IGF1R: variants seen among roughly 807,000 people sequenced by gnomAD.
The protein encoded by IGF1R is insulin-like growth factor 1 receptor.
In IGF1R, 44 loss-of-function variants were observed where a neutral mutation model predicts 144.6. The observed-to-expected ratio is 0.30, with a 90% CI of 0.24 to 0.39. The LOEUF (loss-of-function observed/expected upper bound fraction) is 0.39. Among genes scored for constraint, IGF1R ranks in the 10% least tolerant of loss-of-function variants. The pLI is 1.00. For missense variants in IGF1R, 1,355 were observed against 1,833.7 expected (o/e 0.74, Z 4.77); for synonymous variants, 795 against 722.8 (o/e 1.10, Z -1.60).
intron 2 of IGF1R, among the ~76,000 whole-genome samples, chr15:98,775,241 A>G (rs1218985469): frequency 1.3e-5 from 2 of 152,056 alleles, no homozygotes; most frequent in Non-Finnish European, 2.9e-5. Flanking sequence ...CCACCTCCAC[A>G]TGGAAGGTGC....
intron 1 of IGF1R, among the ~76,000 whole-genome samples, chr15:98,677,030 G>T (rs532464152): frequency 6.6e-6 from 1 of 152,160 alleles, no homozygotes; most frequent in South Asian, 2.1e-4. Flanking sequence ...TCAGCTCCTA[G>T]GCTCAAGTAA....
intron 2 of IGF1R, among the ~76,000 whole-genome samples, chr15:98,785,808 G>T (rs2055978975): frequency 6.6e-6 from 1 of 152,060 alleles, no homozygotes; most frequent in South Asian, 2.1e-4. Flanking sequence ...GAGGCAGGAG[G>T]GTCTGACCAT....
In IGF1R at chr15:98,683,514, C is replaced by T. The variant is rs374238831; in HGVS notation, c.95-24048C>T. Among the ~76,000 whole-genome samples, 13 of 152,246 alleles carry T rather than the reference C, an allele frequency of 8.5e-5. No homozygotes were observed. In the East Asian group the frequency reaches 9.7e-4, roughly 11 times the overall value. ...AGTTGTGTTACAACTTGTTTACAGC[C>T]GTTGGTTTTTAAGGGATGAGGTAAT... is the stretch of plus-strand genomic sequence containing the variant. On this transcript the variant is annotated intron_variant, in intron 1 of 20. Transcript: ENST00000650285.
intron 2 of IGF1R, among the ~76,000 whole-genome samples, chr15:98,777,784 C>T (rs779889558): frequency 1.5e-4 from 23 of 152,178 alleles, no homozygotes; most frequent in Non-Finnish European, 2.8e-4. Flanking sequence ...CACTCACTTG[C>T]CTGGTCATGC....
chr15:98,881,748 C>T (rs1450600134), intron 2 of IGF1R, among the ~76,000 whole-genome samples: 1 of 152,170 alleles, frequency 6.6e-6, no homozygotes, highest in Non-Finnish European at 1.5e-5. Context: ...AGTGTAACAG[C>T]TGTGTGCTCT....
intron 2 of IGF1R, among the ~76,000 whole-genome samples, chr15:98,837,460 T>C (rs1596345730): frequency 1.3e-5 from 2 of 152,234 alleles, no homozygotes; most frequent in Admixed American, 1.3e-4. Flanking sequence ...AGGTTGGTCT[T>C]GATCTCCTGA....
chr15:98,922,184 C>A lies in IGF1R; in HGVS notation c.2238C>A (p.Ala746=), dbSNP rs2015517453. The A allele has an allele frequency of 6.2e-7, 1 of 1,614,136 alleles. No individual in the cohort carries two copies. The highest frequency in any genetic ancestry group is 1.3e-5 in the African/African-American group (1 of 75,008). The change falls in exon 11 of 21, where the codon GCC becomes GCA. Residue 746 remains alanine (A), a synonymous_variant. Transcript: ENST00000650285. Reference sequence around the variant, plus strand: ...AGCGGAGAGATGTCATGCAAGTGGCCAACACCACCATGTCCAGCCGAAGCA... The same window carrying A: ...AGCGGAGAGATGTCATGCAAGTGGCAAACACCACCATGTCCAGCCGAAGCA... The part of the protein sequence containing the change: ...ERKRRDVMQV[A]NTTMSSRSRN...
At chr15:98,913,385 G>A in intron 8 of IGF1R, 103 bp downstream of exon 8, 2 of 899,244 alleles carry the variant, frequency 2.2e-6, no homozygotes, top group Non-Finnish European at 3.8e-6. Flanking sequence ...AGCTATGCCT[G>A]TTGTCTTTCT....
chr15:98,719,372 C>A (rs1188064957), intron 2 of IGF1R, among the ~76,000 whole-genome samples: 6 of 152,152 alleles, frequency 3.9e-5, no homozygotes, highest in Non-Finnish European at 8.8e-5. Context: ...TCTTTTGTGA[C>A]CAGTAGTCCT....
chr15:98,805,191 G>T (rs1405369039), intron 2 of IGF1R, among the ~76,000 whole-genome samples: 1 of 152,160 alleles, frequency 6.6e-6, no homozygotes, highest in Non-Finnish European at 1.5e-5. Context: ...TTATATACAT[G>T]CAGGTGCGAT....
chr15:98,873,718 C>G (rs2012905817), intron 2 of IGF1R: 1 of 152,192 alleles, frequency 6.6e-6, no homozygotes, highest in Non-Finnish European at 1.5e-5. Context: ...AAGAGAGTTG[C>G]AATATGCAAT....
chr15:98,956,004 C>A (rs2016965969), intron 20 of IGF1R, among the ~76,000 whole-genome samples: 2 of 152,234 alleles, frequency 1.3e-5, no homozygotes, highest in African/African-American at 4.8e-5. Flanking sequence ...GCGGTCACTC[C>A]TCAGAACTAT....
At chr15:98,829,382 C>T (rs559422741) in intron 2 of IGF1R, among the ~76,000 whole-genome samples, 221 of 139,994 alleles carry the variant, frequency 1.6e-3, no homozygotes, top group Non-Finnish European at 2.6e-3. Flanking sequence ...AAAAAAAAAA[C>T]TTGAGGTTTG....
intron 18 of IGF1R, among the ~76,000 whole-genome samples, chr15:98,940,993 C>G (rs1567212926): frequency 6.6e-6 from 1 of 152,244 alleles, no homozygotes; most frequent in Non-Finnish European, 1.5e-5. Flanking sequence ...TTGGTGCACC[C>G]AGCTCATTTC....
At chr15:98,689,538 ATT>A (rs35624715) in intron 1 of IGF1R, among the ~76,000 whole-genome samples, 1 of 150,098 alleles carries the variant, frequency 6.7e-6, no homozygotes, top group African/African-American at 2.4e-5. Flanking sequence ...GTTGCACTAC[ATT>A]TTTTTTTTAG....
At chr15:98,940,492 C>T (rs946237523) in intron 18 of IGF1R, among the ~76,000 whole-genome samples, 1 of 152,340 alleles carries the variant, frequency 6.6e-6, no homozygotes, top group Admixed American at 6.5e-5. Flanking sequence ...CAACCTCCAC[C>T]TCCCAGGTTC....
At chr15:98,844,769 T>C (rs2011249892) in intron 2 of IGF1R, among the ~76,000 whole-genome samples, 1 of 152,182 alleles carries the variant, frequency 6.6e-6, no homozygotes, top group Non-Finnish European at 1.5e-5. Context: ...TTGCAAGAAA[T>C]CTTTTTTTAA....
Position 98,908,761 on chromosome 15 carries a change from A to C in IGF1R, c.1324A>C (p.Lys442Gln), listed in dbSNP as rs2014852751. 2 of 1,614,084 alleles carry C rather than the reference A, an allele frequency of 1.2e-6. No individual in the cohort carries two copies. Among genetic ancestry groups the C allele is most frequent in the African/African-American group, 2.7e-5 (2 of 74,944 alleles). The change falls in exon 6 of 21, where the codon AAA becomes CAA. Residue 442 changes from lysine to glutamine, a missense_variant. Transcript: ENST00000650285. ...WDWDHRNLTIKAGKMYFAFNP... is the reference protein window; with the variant it reads ...WDWDHRNLTIQAGKMYFAFNP... ...CTGGGACCACCGCAACCTGACCATC[A>C]AAGCAGGGAAAATGTACTTTGCTTT...
chr15:98,811,997 A>T (rs1014862168), intron 2 of IGF1R, among the ~76,000 whole-genome samples: 5 of 152,342 alleles, frequency 3.3e-5, no homozygotes, highest in African/African-American at 1.2e-4. Context: ...TGCCCTCTGA[A>T]TATTTCCTTC....
Sources: allele counts gnomAD v4.1 joint callset (sites outside exome capture counted in the v4.1 genomes callset), GRCh38; gene constraint gnomAD v4.1.1; transcripts MANE v1.5; gene names NCBI Gene and HGNC (gene_info 2026-07-23, HGNC 2026-07-21).